CCDC88B: variants seen among roughly 807,000 people sequenced by gnomAD.
CCDC88B encodes coiled-coil domain-containing protein 88B.
In CCDC88B, 138 loss-of-function variants were observed where a neutral mutation model predicts 183.7. The ratio of observed to expected loss-of-function variants is 0.75; its 90% CI spans 0.65 to 0.87. The LOEUF is 0.87. CCDC88B is among the 40% of genes least tolerant of loss of function. CCDC88B has a pLI of 0.00. For missense variants in CCDC88B, 1,822 were observed against 1,965.6 expected, an observed-to-expected ratio of 0.93 and a Z score of 1.38; for synonymous variants, 835 against 867.5, an observed-to-expected ratio of 0.96 and a Z score of 0.66.
At chr11:64,340,544 G>A in intron 1 of CCDC88B, 63 bp from the exon 2 acceptor site, 1 of 1,559,148 alleles carries the variant, frequency 6.4e-7, no homozygotes, top group Non-Finnish European at 8.6e-7. Context: ...GGCTCACTGG[G>A]GCAGGTCGGA....
chr11:64,348,080 C>A (rs998757555), intron 14 of CCDC88B, among the ~76,000 whole-genome samples: 2 of 148,610 alleles, frequency 1.3e-5, no homozygotes, highest in Non-Finnish European at 3.0e-5. Context: ...AAAAATTGTA[C>A]CTGCCTCACA....
chr11:64,340,699 G>A lies in CCDC88B; in HGVS notation c.153G>A (p.Lys51=). 1 of 1,612,718 alleles carries A rather than the reference G, an allele frequency of 6.2e-7. No individual in the cohort carries two copies. Among genetic ancestry groups the A allele is most frequent in the Non-Finnish European group, 8.5e-7 (1 of 1,179,868 alleles). Residue 51 remains lysine, a synonymous_variant, in exon 2 of 27, where the codon AAG becomes AAA. Transcript: ENST00000356786. ...EEEEPPLWLE[K]RFLRLSDGAL... is the part of the protein sequence containing the mutation. ...AAGAGCCGCCCCTTTGGTTGGAGAA[G>A]AGATTCCTGCGCCTCAGCGATGGGG...
chr11:64,352,606 A>C (rs2036381917), intron 19 of CCDC88B, 138 bp from the exon 20 acceptor site: 1 of 1,401,604 alleles, frequency 7.1e-7, no homozygotes, highest in Admixed American at 2.2e-5. Flanking sequence ...CTGGCATGGC[A>C]TTCTGCCCAA....
chr11:64,348,093 A>T (rs1247400011), intron 14 of CCDC88B, among the ~76,000 whole-genome samples: 1 of 149,028 alleles, frequency 6.7e-6, no homozygotes, highest in African/African-American at 2.5e-5. Context: ...GCCTCACAGG[A>T]TCCTGTAAGA....
chr11:64,340,656 A>G lies in CCDC88B; in HGVS notation c.110A>G (p.Glu37Gly), dbSNP rs1591270937. 1 of 1,610,708 alleles carries G rather than the reference A, an allele frequency of 6.2e-7. No homozygotes were observed. Among genetic ancestry groups the G allele is most frequent in the Non-Finnish European group, 8.5e-7 (1 of 1,179,628 alleles). Residue 37 changes from glutamate (E) to glycine (G), a missense_variant, in exon 2 of 27, where the codon GAA (glutamate) becomes GGA (glycine). By Grantham distance (98) the Glu-to-Gly change is moderately conservative (BLOSUM62 -2). Transcript: ENST00000356786. Reference sequence around the variant, plus strand: ...GGGGAGGCGGAGGACTCGGAGGGGGAAGAAGAGGAAGAGGAGGAAGAGCCG... The same window carrying G: ...GGGGAGGCGGAGGACTCGGAGGGGGGAGAAGAGGAAGAGGAGGAAGAGCCG... Reference protein sequence around the residue: ...LVGEAEDSEGEEEEEEEEPPL... With the variant: ...LVGEAEDSEGGEEEEEEEPPL...
At position 64,342,645 on chromosome 11, in the gene CCDC88B, C is replaced by A. The variant is rs1161382182; in HGVS notation, c.1027C>A (p.Leu343Met). The A allele has an allele frequency of 3.3e-6, 5 of 1,520,226 alleles. No homozygotes were observed. Among genetic ancestry groups the A allele is most frequent in the Non-Finnish European group, 4.4e-6 (5 of 1,140,818 alleles). 94.2% of individuals were successfully genotyped at this position (1,520,226 alleles called of 1,614,324 possible). Reference sequence around the variant, plus strand: ...GGAGCTGAGGCGCTGCCGCGAGCGGCTGCAGGCGGCTGAGGCCTACAAGAG... The same window carrying A: ...GGAGCTGAGGCGCTGCCGCGAGCGGATGCAGGCGGCTGAGGCCTACAAGAG... ...QEELRRCRER[L>M]QAAEAYKSQL... The change falls in exon 10 of 27, where the codon CTG (leucine) becomes ATG (methionine). Residue 343 changes from leucine (L) to methionine (M), a missense_variant. Transcript: ENST00000356786.
chr11:64,342,676 T>C lies in CCDC88B; in HGVS notation c.1058T>C (p.Leu353Pro), dbSNP rs1268223186. ...LQAAEAYKSQ[L>P]EEERVLSGVL... ...GCGGCTGAGGCCTACAAGAGTCAGC[T>C]GGAGGTGAGGCGGAGACGGAGCCGC... The change falls in exon 10 of 27, where the codon CTG (leucine) becomes CCG (proline). Residue 353 changes from leucine (L) to proline (P), a missense_variant. Physicochemically the swap from Leu to Pro is moderately conservative, Grantham distance 98. Coordinates refer to ENST00000356786, the MANE Select transcript of CCDC88B (RefSeq NM_032251.6). 2.0e-6 allele frequency: 3 copies of C among 1,489,666 alleles called. No homozygotes were observed. The highest frequency in any genetic ancestry group is 2.7e-6 in the Non-Finnish European group (3 of 1,125,904). 92.3% of individuals were successfully genotyped at this position (1,489,666 alleles called of 1,614,324 possible). A position where few individuals can be genotyped will look rare whatever the true frequency, so the allele number is the denominator to read the frequency against.
intron 24 of CCDC88B, 51 bp downstream of exon 24, chr11:64,354,221 TC>T: frequency 7.8e-7 from 1 of 1,285,064 alleles, no homozygotes. Context: ...ACATCCTCTG[TC>T]CCCCACCTTG....
Position 64,343,574 on chromosome 11 carries a change from T to C in CCDC88B, c.1277T>C (p.Leu426Pro). The C allele has an allele frequency of 6.4e-7, 1 of 1,551,806 alleles. No homozygotes were observed. The highest frequency in any genetic ancestry group is 2.4e-5 in the East Asian group (1 of 40,988). ...GAGAATGTGGAGCTGGAGCTGGAGC[T>C]TCAGCGGAGCTTGGAGCCACCTCCA... The part of the protein sequence containing the change: ...AEENVELELE[L>P]QRSLEPPPGS... The change falls in exon 12 of 27, where the codon CTT becomes CCT. Residue 426 changes from leucine (L) to proline (P), a missense_variant. Physicochemically the swap from Leu to Pro is moderately conservative, Grantham distance 98. Coordinates refer to ENST00000356786, the MANE Select transcript of CCDC88B (RefSeq NM_032251.6).
At chr11:64,342,257 G>A (rs947392193) in intron 8 of CCDC88B, 37 bp from the exon 9 acceptor site, 3 of 1,572,436 alleles carry the variant, frequency 1.9e-6, no homozygotes, top group Non-Finnish European at 2.6e-6. Context: ...GGGGGTTGTG[G>A]GCCCCCAGAC....
Position 64,352,280 on chromosome 11 carries a change from C to T in CCDC88B, c.3250C>T (p.Leu1084=), listed in dbSNP as rs755326104. Residue 1084 remains leucine, a synonymous_variant, in exon 19 of 27, where the codon CTG becomes TTG. Transcript: ENST00000356786. Reference sequence around the variant, plus strand: ...TCGGGACCACAAGGCCCTGGCACAGCTGCAGCGGCGGCAGGAGGCCGAGCT... The same window carrying T: ...TCGGGACCACAAGGCCCTGGCACAGTTGCAGCGGCGGCAGGAGGCCGAGCT... The part of the protein sequence containing the change: ...LLRDHKALAQ[L]QRRQEAELEG... The T allele has an allele frequency of 6.3e-7, 1 of 1,586,750 alleles. No homozygotes were observed. The highest frequency in any genetic ancestry group is 1.8e-5 in the Admixed American group (1 of 55,156).
In CCDC88B at chr11:64,341,293, G is replaced by A. The variant is rs140757172; in HGVS notation, c.412G>A (p.Gly138Ser). Residue 138 changes from glycine to serine, a missense_variant, in exon 5 of 27, where the codon GGC (glycine) becomes AGC (serine). Coordinates refer to ENST00000356786, the MANE Select transcript of CCDC88B (RefSeq NM_032251.6). The stretch of plus-strand genomic sequence containing the variant: ...AGAAGAAGCGGTGGAGCAGCTGGAA[G>A]GCGTTCTTCGGCTACTGTTGGGAGC... ...LSEEAVEQLE[G>S]VLRLLLGASV... is the part of the protein sequence containing the mutation. 9 of 1,614,022 alleles carry A rather than the reference G, an allele frequency of 5.6e-6. No homozygotes were observed. The highest frequency in any genetic ancestry group is 6.8e-6 in the Non-Finnish European group (8 of 1,180,014).
chr11:64,357,041 C>A lies in CCDC88B; in HGVS notation c.4378C>A (p.Pro1460Thr), dbSNP rs1565062774. Residue 1460 changes from proline (P) to threonine (T), a missense_variant and splice_region_variant, in exon 27 of 27, where the codon CCT becomes ACT. Coordinates refer to ENST00000356786, the MANE Select transcript of CCDC88B (RefSeq NM_032251.6). ...CTCAGCTGAGCCTTTCCCTCTAGGCCCTGAGGTACAGGAACCGGAGAAACG... is the reference window on the plus strand; with the variant it reads ...CTCAGCTGAGCCTTTCCCTCTAGGCACTGAGGTACAGGAACCGGAGAAACG... ...EHETDANREGPEVQEPEKRPL... is the reference protein window; with the variant it reads ...EHETDANREGTEVQEPEKRPL... The A allele has an allele frequency of 6.3e-7, 1 of 1,588,620 alleles. No individual in the cohort carries two copies. The highest frequency in any genetic ancestry group is 8.6e-7 in the Non-Finnish European group (1 of 1,165,338).
intron 9 of CCDC88B, 24 bp from the exon 10 acceptor site, chr11:64,342,498 C>G (rs1178548691): frequency 6.5e-7 from 1 of 1,528,070 alleles, no homozygotes; most frequent in African/African-American, 1.4e-5. Context: ...CTGGCTGTTC[C>G]CAGCTCCACA....
chr11:64,348,807 C>T (rs1335314095), intron 14 of CCDC88B: 5 of 584,392 alleles, frequency 8.6e-6, no homozygotes, highest in South Asian at 4.1e-5. Flanking sequence ...GCAGCCCAAC[C>T]GCCAAAGGCC....
chr11:64,341,906 C>A, intron 7 of CCDC88B, 88 bp from the exon 8 acceptor site: 1 of 651,614 alleles, frequency 1.5e-6, no homozygotes, highest in East Asian at 7.5e-5. Flanking sequence ...GACCCCAGAC[C>A]ACAACCCCAT....
In CCDC88B at chr11:64,351,611, C is replaced by T. The variant is rs753513308; in HGVS notation, c.3094C>T (p.Leu1032=). 1.9e-6 allele frequency: 3 copies of T among 1,563,048 alleles called. No individual in the cohort carries two copies. The highest frequency in any genetic ancestry group is 1.2e-5 in the South Asian group (1 of 86,616). ...SQRAQEHSSR[L]QAEKSVLEIQ... ...GCGGGCGCAGGAGCACAGCAGCCGC[C>T]TGCAGGTGGGTGGTGGCCCGGGTGC... Residue 1032 remains leucine (L), a synonymous_variant, in exon 18 of 27, where the codon CTG becomes TTG. Transcript: ENST00000356786.
chr11:64,343,199 G>A lies in CCDC88B; in HGVS notation c.1083G>A (p.Gly361=). 6.5e-7 allele frequency: 1 copy of A among 1,538,716 alleles called. No individual in the cohort carries two copies. Among genetic ancestry groups the A allele is most frequent in the East Asian group, 2.5e-5 (1 of 40,704 alleles). The part of the protein sequence containing the change: ...SQLEEERVLS[G]VLEASKALLE... ...ACCAGGAGGAGCGGGTGCTCTCGGGGGTGCTGGAGGCGTCCAAGGCGCTGC... is the reference window on the plus strand; with the variant it reads ...ACCAGGAGGAGCGGGTGCTCTCGGGAGTGCTGGAGGCGTCCAAGGCGCTGC... Residue 361 remains glycine, a synonymous_variant, in exon 11 of 27, where the codon GGG becomes GGA. Coordinates refer to ENST00000356786, the MANE Select transcript of CCDC88B (RefSeq NM_032251.6).
intron 14 of CCDC88B, among the ~76,000 whole-genome samples, chr11:64,345,719 C>A (rs1351575611): frequency 1.3e-5 from 2 of 152,096 alleles, no homozygotes; most frequent in African/African-American, 4.8e-5. Context: ...ATTAAAGACG[C>A]TCAGGGGCTG....
Sources: allele counts gnomAD v4.1 joint callset (sites outside exome capture counted in the v4.1 genomes callset), GRCh38; gene constraint gnomAD v4.1.1; transcripts MANE v1.5; gene names NCBI Gene and HGNC (gene_info 2026-07-23, HGNC 2026-07-21).